Variants in EPSTI1 observed in about 807,000 individuals in gnomAD.
The protein encoded by EPSTI1 is epithelial-stromal interaction protein 1.
In EPSTI1, 66 loss-of-function variants were observed where a neutral mutation model predicts 49.9. The observed-to-expected ratio is 1.32, with a 90% CI of 1.08 to 1.62. EPSTI1 has a LOEUF of 1.62. Among genes scored for constraint, EPSTI1 ranks in the 40% most tolerant of loss-of-function variants. The probability of loss-of-function intolerance (pLI) is 0.00; values close to 1 mark genes in which losing one functional copy is unlikely to be tolerated. For synonymous variants in EPSTI1, 137 were observed against 130.7 expected (o/e 1.05, Z -0.33); for missense variants, 394 against 365.5 (o/e 1.08, Z -0.64).
chr13:42,981,598 C>A (rs1273263935), intron 1 of EPSTI1, among the ~76,000 whole-genome samples: 2 of 152,200 alleles, frequency 1.3e-5, no homozygotes, highest in Non-Finnish European at 2.9e-5. Context: ...GAAATTCCTT[C>A]TAAACAGGAC....
intron 3 of EPSTI1, among the ~76,000 whole-genome samples, chr13:42,967,632 G>A (rs2039656715): frequency 6.6e-6 from 1 of 152,216 alleles, no homozygotes; most frequent in South Asian, 2.1e-4. Flanking sequence ...AGCCAACAGT[G>A]AGGCCAAGCC....
intron 1 of EPSTI1, among the ~76,000 whole-genome samples, chr13:42,984,134 C>T (rs2040037428): frequency 6.6e-6 from 1 of 152,088 alleles, no homozygotes; most frequent in Non-Finnish European, 1.5e-5. Flanking sequence ...TAAATAATCC[C>T]CTAATGAATA....
chr13:42,951,592 T>G (rs1365264282), intron 6 of EPSTI1, among the ~76,000 whole-genome samples: 1 of 151,996 alleles, frequency 6.6e-6, no homozygotes, highest in African/African-American at 2.4e-5. Flanking sequence ...AGAAAAAGGG[T>G]GATTGATCTT....
intron 8 of EPSTI1, among the ~76,000 whole-genome samples, chr13:42,908,484 GAAA>G (rs140923122): frequency 8.8e-6 from 1 of 113,366 alleles, no homozygotes; most frequent in Non-Finnish European, 1.7e-5. Flanking sequence ...ACTCTGTTAT[GAAA>G]AAAAAAAAAA....
intron 1 of EPSTI1, among the ~76,000 whole-genome samples, chr13:42,980,476 A>G (rs760184794): frequency 5.3e-4 from 81 of 152,214 alleles, no homozygotes; most frequent in Non-Finnish European, 1.0e-3. Flanking sequence ...GCAAAGGCAC[A>G]TCTTACATGG....
chr13:42,912,836 C>G (rs761341301), intron 8 of EPSTI1, among the ~76,000 whole-genome samples: 6 of 150,338 alleles, frequency 4.0e-5, no homozygotes, highest in Non-Finnish European at 8.9e-5. Flanking sequence ...AAAAAAAAGG[C>G]CAAAGGGATA....
chr13:42,991,814 A>G (rs1185777121), intron 1 of EPSTI1, among the ~76,000 whole-genome samples, 164 bp downstream of exon 1: 1 of 152,246 alleles, frequency 6.6e-6, no homozygotes, highest in African/African-American at 2.4e-5. Context: ...TCAATTTATA[A>G]GGTGCGGCAT....
chr13:42,942,770 G>A (rs1336016522), intron 6 of EPSTI1, among the ~76,000 whole-genome samples: 1 of 136,718 alleles, frequency 7.3e-6, no homozygotes, highest in African/African-American at 2.7e-5. Context: ...CTCACTGCAA[G>A]CTCCGCTTCC....
chr13:42,940,139 C>T (rs545095362), intron 6 of EPSTI1, among the ~76,000 whole-genome samples: 4 of 152,322 alleles, frequency 2.6e-5, no homozygotes, highest in Non-Finnish European at 4.4e-5. Context: ...CTAGCTCCTG[C>T]CTGTCTTGTC....
chr13:42,898,312 C>T (rs1315104958), intron 9 of EPSTI1, among the ~76,000 whole-genome samples: 4 of 152,190 alleles, frequency 2.6e-5, no homozygotes, highest in African/African-American at 7.2e-5. Context: ...TGTGTTGTTG[C>T]CTTGAGTAAG....
chr13:42,954,678 G>C (rs891828817), intron 5 of EPSTI1, among the ~76,000 whole-genome samples: 1 of 152,126 alleles, frequency 6.6e-6, no homozygotes, highest in Non-Finnish European at 1.5e-5. Flanking sequence ...AATAACCCAG[G>C]AATGTTTGCT....
chr13:42,992,007 C>A lies in EPSTI1; in HGVS notation c.159G>T (p.Arg53=). 1 of 1,613,448 alleles carries A rather than the reference C, an allele frequency of 6.2e-7. No homozygotes were observed. Among genetic ancestry groups the A allele is most frequent in the Non-Finnish European group, 8.5e-7 (1 of 1,180,044 alleles). ...TCTGGCCCGCGTGCACGACGCTCTC[C>A]CGCGAAGGGCCCTTAGGGGCTGCCT... The part of the protein sequence containing the change: ...GLEAAPKGPS[R]ESVVHAGQRR... Residue 53 remains arginine, a synonymous_variant, in exon 1 of 11, where the codon CGG becomes CGT. Transcript: ENST00000313624.
At chr13:42,987,626 G>A (rs1327746556) in intron 1 of EPSTI1, among the ~76,000 whole-genome samples, 1 of 151,956 alleles carries the variant, frequency 6.6e-6, no homozygotes. Context: ...TGTATTTTGT[G>A]TGGGGCCAAG....
intron 8 of EPSTI1, 36 bp from the exon 9 acceptor site, chr13:42,900,419 A>C: frequency 6.3e-7 from 1 of 1,592,692 alleles, no homozygotes; most frequent in Non-Finnish European, 8.6e-7. Flanking sequence ...ATGGTTTTCA[A>C]TTAACACAGT....
Position 42,888,014 on chromosome 13 carries a change from A to T in EPSTI1, c.*480T>A, listed in dbSNP as rs577445489. 146 of 339,532 alleles carry T rather than the reference A, an allele frequency of 4.3e-4. No homozygotes were observed. Among genetic ancestry groups the T allele is most frequent in the Non-Finnish European group, 6.8e-4 (129 of 189,926 alleles). 21.0% of individuals were successfully genotyped at this position (339,532 alleles called of 1,614,324 possible). A position where few individuals can be genotyped will look rare whatever the true frequency, so the allele number is the denominator to read the frequency against. On this transcript the variant is annotated 3_prime_UTR_variant, in exon 11 of 11. Coordinates refer to ENST00000313624, the MANE Select transcript of EPSTI1 (RefSeq NM_033255.5). ...AGAAGGAGTTCAAAATTTATTTATA[A>T]ATTTGTGTAAAAGAATATAAGACCT... is the stretch of plus-strand genomic sequence containing the variant.
At chr13:42,979,703 C>T (rs1448341068) in intron 1 of EPSTI1, among the ~76,000 whole-genome samples, 1 of 151,910 alleles carries the variant, frequency 6.6e-6, no homozygotes, top group Non-Finnish European at 1.5e-5. Context: ...TAATGTTTTC[C>T]CACATTTGCT....
At position 42,970,519 on chromosome 13, in the gene EPSTI1, T is replaced by C. The variant is rs118013937; in HGVS notation, c.247+93A>G. On this transcript the variant is annotated intron_variant, in intron 2 of 10. Transcript: ENST00000313624. ...ACCTTGATGAGATTTGGTGAGTCTATATAAATGAGAAAATAAAAATACTTC... is the reference window on the plus strand; with the variant it reads ...ACCTTGATGAGATTTGGTGAGTCTACATAAATGAGAAAATAAAAATACTTC... The C allele has an allele frequency of 7.0e-4, 821 of 1,169,018 alleles. 16 individuals carry two copies. The East Asian group carries it at 0.018, about 25-fold the overall frequency. The allele number at this position is 1,169,018 out of a possible 1,614,324, so 72.4% of individuals were successfully genotyped here. A position where few individuals can be genotyped will look rare whatever the true frequency, so the allele number is the denominator to read the frequency against.
At chr13:42,977,588 C>G (rs953190024) in intron 1 of EPSTI1, among the ~76,000 whole-genome samples, 1 of 152,140 alleles carries the variant, frequency 6.6e-6, no homozygotes, top group African/African-American at 2.4e-5. Context: ...AATGAGGCAA[C>G]CTGAATATGG....
chr13:42,969,651 G>C (rs908501901), intron 2 of EPSTI1: 1 of 171,658 alleles, frequency 5.8e-6, no homozygotes. Flanking sequence ...ATGAGGGCTC[G>C]GTGCTACAGG....
Sources: allele counts gnomAD v4.1 joint callset (sites outside exome capture counted in the v4.1 genomes callset), GRCh38; gene constraint gnomAD v4.1.1; transcripts MANE v1.5; gene names NCBI Gene and HGNC (gene_info 2026-07-23, HGNC 2026-07-21).